The following SLC23A2 variants were observed in gnomAD, a reference collection of about 807,000 sequenced individuals.
SLC23A2 encodes solute carrier family 23 member 2.
In SLC23A2, 36 loss-of-function variants were observed where a neutral mutation model predicts 73.3. The observed-to-expected ratio is 0.49, with a 90% CI of 0.38 to 0.65. The LOEUF is 0.65. Among genes scored for constraint, SLC23A2 ranks in the 30% least tolerant of loss-of-function variants. SLC23A2 has a pLI of 0.00. For missense variants in SLC23A2, 507 were observed against 841.6 expected (o/e 0.60, Z 4.92); for synonymous variants, 343 against 327.3 (o/e 1.05, Z -0.52).
rs763785806 is a variant in SLC23A2, at chr20:4,862,572, A to G, written c.1486+206T>C. Among the ~76,000 whole-genome samples, 4 of 152,230 alleles carry G rather than the reference A, an allele frequency of 2.6e-5. No individual in the cohort carries two copies. Among genetic ancestry groups the G allele is most frequent in the Non-Finnish European group, 5.9e-5 (4 of 68,040 alleles). On this transcript the variant is annotated intron_variant, in intron 14 of 16. Transcript: ENST00000338244. The surrounding 1 kb of genome is among the most constrained non-coding windows in gnomAD (Gnocchi z 5.1). ...TAAATTTAATTGAAATGTTCATAGC[A>G]CAATTACATCTTATTGTTGGTTCCA...
chr20:4,953,495 A>C (rs1044031685), intron 2 of SLC23A2, among the ~76,000 whole-genome samples: 7 of 152,118 alleles, frequency 4.6e-5, no homozygotes, highest in African/African-American at 1.7e-4. Context: ...TATGTTTTTC[A>C]CTTAAAACCA....
chr20:4,856,966 C>T lies in SLC23A2; in HGVS notation c.*6G>A. The stretch of plus-strand genomic sequence containing the variant: ...ACTGCGGCCAGGCCACAGGGCACAG[C>T]AAAGGCTATCCCGTGGCCTGGGAGT... On this transcript the variant is annotated 3_prime_UTR_variant, in exon 17 of 17. Transcript: ENST00000338244. This position sits in a 1 kb window ranked among gnomAD's most constrained non-coding sequence, Gnocchi z 4.6. 3 of 1,603,652 alleles carry T rather than the reference C, an allele frequency of 1.9e-6. No individual in the cohort carries two copies. The highest frequency in any genetic ancestry group is 2.6e-6 in the Non-Finnish European group (3 of 1,171,186).
intron 6 of SLC23A2, among the ~76,000 whole-genome samples, chr20:4,890,652 CA>C (rs112262724): frequency 6.8e-5 from 10 of 146,070 alleles, no homozygotes; most frequent in African/African-American, 1.5e-4. Context: ...GACTCCATCT[CA>C]AAAAAAAAAG....
chr20:4,952,264 C>T lies in SLC23A2; in HGVS notation c.-155+18529G>A, dbSNP rs2087215613. ...TGCAAAATCATATACTTGGACACAT[C>T]CTAGCAAAATAATTTAACCACAGGA... On this transcript the variant is annotated intron_variant, in intron 2 of 16. Coordinates refer to ENST00000338244, the MANE Select transcript of SLC23A2 (RefSeq NM_005116.6). Among the ~76,000 whole-genome samples, 2 of 152,188 alleles carry T rather than the reference C, an allele frequency of 1.3e-5. 1 individual carries two copies. The highest frequency in any genetic ancestry group is 4.1e-4 in the South Asian group (2 of 4,822).
intron 13 of SLC23A2, 23 bp downstream of exon 13, chr20:4,867,747 T>C (rs996791339): frequency 7.3e-7 from 1 of 1,362,204 alleles, no homozygotes; most frequent in Non-Finnish European, 1.0e-6. Context: ...AACCCAATCA[T>C]TTAATTAGAA....
rs1416897927 is a variant in SLC23A2 at position 4,868,353 on chromosome 20, C to T, written c.1251-478G>A. Among the ~76,000 whole-genome samples the T allele has an allele frequency of 6.6e-6, 1 of 152,248 alleles. No homozygotes were observed. Among genetic ancestry groups the T allele is most frequent in the South Asian group, 2.1e-4 (1 of 4,826 alleles). ...CCTCCCAAAATGTTGGGATTACAGG[C>T]GTGAGCCACTGTGCCCGGCCAGAAT... is the stretch of plus-strand genomic sequence containing the variant. On this transcript the variant is annotated intron_variant, in intron 12 of 16. Coordinates refer to ENST00000338244, the MANE Select transcript of SLC23A2 (RefSeq NM_005116.6). This position sits in a 1 kb window ranked among gnomAD's most constrained non-coding sequence, Gnocchi z 4.4.
chr20:4,859,422 A>G, intron 15 of SLC23A2, 38 bp from the exon 16 acceptor site: 9 of 1,349,352 alleles, frequency 6.7e-6, no homozygotes, highest in Non-Finnish European at 9.6e-6. Context: ...TCAGTGCCAC[A>G]GCAGCGGTGA....
chr20:4,969,794 G>A (rs989446118), intron 2 of SLC23A2, among the ~76,000 whole-genome samples: 3 of 151,808 alleles, frequency 2.0e-5, no homozygotes, highest in East Asian at 1.9e-4. Flanking sequence ...AAACACTTGC[G>A]GCTTTTCTGA....
At chr20:4,992,809 C>A (rs543421552) in intron 1 of SLC23A2, among the ~76,000 whole-genome samples, 2 of 151,370 alleles carry the variant, frequency 1.3e-5, no homozygotes, top group Admixed American at 6.6e-5. Flanking sequence ...CGCGCTTGGC[C>A]AACAGACTTG....
At chr20:4,976,161 CT>C (rs562127784) in intron 1 of SLC23A2, among the ~76,000 whole-genome samples, 20 of 148,502 alleles carry the variant, frequency 1.3e-4, no homozygotes, top group African/African-American at 4.2e-4. Flanking sequence ...CCAAGAGTTT[CT>C]TTTTTTTTTC....
intron 1 of SLC23A2, among the ~76,000 whole-genome samples, chr20:4,976,172 C>T (rs1309686342): frequency 6.7e-6 from 1 of 150,120 alleles, no homozygotes; most frequent in Non-Finnish European, 1.5e-5. Flanking sequence ...TTTTTTTTTT[C>T]CTACTTTTAC....
intron 2 of SLC23A2, among the ~76,000 whole-genome samples, chr20:4,960,347 C>G (rs2087361429): frequency 6.6e-6 from 1 of 152,150 alleles, no homozygotes; most frequent in South Asian, 2.1e-4. Flanking sequence ...AGAACCACTG[C>G]TAATATTTAG....
intron 3 of SLC23A2, among the ~76,000 whole-genome samples, chr20:4,918,369 T>C (rs34132722): frequency 1.3e-5 from 2 of 152,228 alleles, no homozygotes; most frequent in African/African-American, 4.8e-5. Context: ...ATCAATCAGC[T>C]ATGAAAGGAG....
At chr20:4,859,267 G>T (rs1568599145) in intron 16 of SLC23A2, 22 bp downstream of exon 16, 184 of 1,241,930 alleles carry the variant, frequency 1.5e-4, no homozygotes, top group Non-Finnish European at 1.9e-4. Flanking sequence ...AAAAAAAAGT[G>T]TGTTTGATAT....
chr20:4,972,019 T>C (rs917610436), intron 1 of SLC23A2, among the ~76,000 whole-genome samples: 2 of 152,230 alleles, frequency 1.3e-5, no homozygotes, highest in African/African-American at 2.4e-5. Flanking sequence ...ATGTTTCTTT[T>C]ACTATTTATT....
At chr20:4,871,301 G>C (rs1930437210) in intron 11 of SLC23A2, among the ~76,000 whole-genome samples, 1 of 152,158 alleles carries the variant, frequency 6.6e-6, no homozygotes, top group Non-Finnish European at 1.5e-5. Flanking sequence ...AGCTGAGCTG[G>C]GTCACAAGAA....
intron 1 of SLC23A2, among the ~76,000 whole-genome samples, chr20:4,979,145 T>C (rs904656325): frequency 6.6e-6 from 1 of 151,192 alleles, no homozygotes; most frequent in Admixed American, 6.6e-5. Flanking sequence ...ATACAAAAAT[T>C]AGCCAAGCGT....
chr20:4,975,077 T>A lies in SLC23A2; in HGVS notation c.-281-4158A>T, dbSNP rs1325518493. On this transcript the variant is annotated intron_variant, in intron 1 of 16. Transcript: ENST00000338244. ...GCTGGATTACAGGTGTGAGCCACCGTGCCTGGCCAAAAACTATTTTTTGAA... is the reference window on the plus strand; with the variant it reads ...GCTGGATTACAGGTGTGAGCCACCGAGCCTGGCCAAAAACTATTTTTTGAA... Among the ~76,000 whole-genome samples, 3 of 152,190 alleles carry A rather than the reference T, an allele frequency of 2.0e-5. No individual in the cohort carries two copies. In the East Asian group the frequency reaches 5.8e-4, roughly 29 times the overall value.
At chr20:4,875,098 C>A (rs773330254) in intron 9 of SLC23A2, among the ~76,000 whole-genome samples, 2 of 152,120 alleles carry the variant, frequency 1.3e-5, no homozygotes, top group Non-Finnish European at 2.9e-5. Context: ...CAAAGCAAAC[C>A]AAGAAACTAC....
Sources: allele counts gnomAD v4.1 joint callset (sites outside exome capture counted in the v4.1 genomes callset), GRCh38; gene constraint gnomAD v4.1.1; non-coding constraint Gnocchi (gnomAD v3.1); transcripts MANE v1.5; gene names NCBI Gene and HGNC (gene_info 2026-07-23, HGNC 2026-07-21).